The following TDRD1 variants were observed in gnomAD, a reference collection of about 807,000 sequenced individuals.
TDRD1 encodes the protein tudor domain containing 1.
In TDRD1, 37 loss-of-function variants were observed where a neutral mutation model predicts 140.6. That is an observed-to-expected ratio of 0.26 (90% CI 0.20 to 0.35). The LOEUF (loss-of-function observed/expected upper bound fraction) is 0.35. TDRD1 is among the 10% of genes least tolerant of loss of function. The probability of loss-of-function intolerance (pLI) is 1.00; values close to 1 mark genes in which losing one functional copy is unlikely to be tolerated. For synonymous variants in TDRD1, 506 were observed against 475.7 expected, an observed-to-expected ratio of 1.06 and a Z score of -0.83; for missense variants, 1,243 against 1,393.0, an observed-to-expected ratio of 0.89 and a Z score of 1.71.
intron 14 of TDRD1, among the ~76,000 whole-genome samples, chr10:114,212,649 GATTGCTGATTTGTA>G (rs1724757461): frequency 6.6e-6 from 1 of 152,188 alleles, no homozygotes; most frequent in South Asian, 2.1e-4. Context: ...ATAACTGTTG[GATTGCTGATTTGTA>G]AGTGCCCTTT....
intron 3 of TDRD1, among the ~76,000 whole-genome samples, chr10:114,194,127 G>C (rs1413320684): frequency 6.6e-6 from 1 of 152,086 alleles, no homozygotes; most frequent in Non-Finnish European, 1.5e-5. Context: ...TTTTACATAA[G>C]TTTTCAAGAG....
At chr10:114,191,691 A>G (rs1347659392) in intron 3 of TDRD1, among the ~76,000 whole-genome samples, 1 of 152,240 alleles carries the variant, frequency 6.6e-6, no homozygotes, top group Non-Finnish European at 1.5e-5. Context: ...ATTTATGTAC[A>G]GAATTTTATA....
intron 25 of TDRD1, among the ~76,000 whole-genome samples, chr10:114,230,479 C>T (rs2036695079): frequency 6.6e-6 from 1 of 152,186 alleles, no homozygotes; most frequent in South Asian, 2.1e-4. Context: ...AAGTAGGACC[C>T]ATTTTACAGT....
chr10:114,203,038 A>T, intron 6 of TDRD1, 34 bp from the exon 7 acceptor site: 1 of 1,425,622 alleles, frequency 7.0e-7, no homozygotes, highest in Non-Finnish European at 9.9e-7. Context: ...ATGTGCTTTT[A>T]AGTAACTCAC....
At chr10:114,227,991 C>G in intron 24 of TDRD1, 35 bp downstream of exon 24, 1 of 1,611,688 alleles carries the variant, frequency 6.2e-7, no homozygotes, top group Non-Finnish European at 8.5e-7. Flanking sequence ...AATTATACTC[C>G]TAACGTTTTT....
intron 20 of TDRD1, 87 bp downstream of exon 20, chr10:114,221,563 A>AGG (rs1418512935): frequency 7.7e-7 from 1 of 1,293,978 alleles, no homozygotes; most frequent in Non-Finnish European, 1.1e-6. Context: ...TTGGGAATGA[A>AGG]GGGGAGAAAG....
rs959218148 is a variant in TDRD1, at chr10:114,201,396, G to C, written c.530-14G>C. 3.1e-6 allele frequency: 5 copies of C among 1,605,846 alleles called. No homozygotes were observed. In the East Asian group the frequency reaches 8.9e-5, roughly 29 times the overall value. ...GATCTTCATCTGAACTATTTTGTGG[G>C]TGGTGTTTTCTAGGATCGCTGAGGT... On this transcript the variant is annotated splice_polypyrimidine_tract_variant and intron_variant, in intron 4 of 25. Transcript: ENST00000251864.
chr10:114,192,229 CTGTT>C (rs1286709390), intron 3 of TDRD1, among the ~76,000 whole-genome samples: 2 of 141,476 alleles, frequency 1.4e-5, no homozygotes, highest in Non-Finnish European at 1.5e-5. Flanking sequence ...AACTTTAAAA[CTGTT>C]TGATACTCTG....
At chr10:114,198,093 C>T (rs976137964) in intron 3 of TDRD1, among the ~76,000 whole-genome samples, 3 of 152,140 alleles carry the variant, frequency 2.0e-5, no homozygotes, top group African/African-American at 7.2e-5. Context: ...GGGGCTCTTT[C>T]TGTTGGGTGA....
chr10:114,218,574 C>T (rs1439091080), exon 18 of TDRD1: 2 of 1,601,714 alleles, frequency 1.2e-6, no homozygotes, highest in African/African-American at 2.7e-5. Context: ...GAATACGGTG[C>T]CAGTTAGCAG....
chr10:114,229,145 C>T (rs2036610818), intron 25 of TDRD1, among the ~76,000 whole-genome samples: 1 of 152,046 alleles, frequency 6.6e-6, no homozygotes, highest in Admixed American at 6.6e-5. Context: ...GTTGTCTCTC[C>T]TCACCACTTT....
In TDRD1 at chr10:114,188,103, G is replaced by T. The variant is rs114684103; in HGVS notation, c.272G>T (p.Gly91Val). Residue 91 changes from glycine to valine, a missense_variant, in exon 2 of 26, where the codon GGC (glycine) becomes GTC (valine). Gly to Val is a moderately radical substitution (Grantham distance 109). Coordinates refer to ENST00000251864, the Ensembl canonical transcript of TDRD1. ...AATTCAGTTTCTTCAAACCCGAATG[G>T]CATCAACGGAGAAGTAGTTGGCTCC... 696 of 1,610,354 alleles carry T rather than the reference G, an allele frequency of 4.3e-4. 4 individuals are homozygous for T. The African/African-American group carries it at 7.9e-3, about 18-fold the overall frequency.
intron 13 of TDRD1, 115 bp from the exon 14 acceptor site, chr10:114,211,751 T>C: frequency 9.5e-7 from 1 of 1,050,226 alleles, no homozygotes; most frequent in Non-Finnish European, 1.3e-6. Context: ...TTCTATAAGC[T>C]TGATATCTAT....
At chr10:114,223,397 C>T (rs1253887529) in intron 21 of TDRD1, among the ~76,000 whole-genome samples, 1 of 152,226 alleles carries the variant, frequency 6.6e-6, no homozygotes, top group Admixed American at 6.5e-5. Context: ...GGGGCACAGG[C>T]CTGCCTTCTC....
chr10:114,189,233 G>A (rs2033783075), intron 2 of TDRD1, among the ~76,000 whole-genome samples: 1 of 152,164 alleles, frequency 6.6e-6, no homozygotes, highest in Admixed American at 6.5e-5. Flanking sequence ...TGATCATTGT[G>A]TGCAGTATTT....
intron 3 of TDRD1, among the ~76,000 whole-genome samples, chr10:114,195,919 GGTT>G (rs368631524): frequency 9.2e-5 from 14 of 152,116 alleles, no homozygotes; most frequent in South Asian, 4.2e-4. Context: ...CTTTTCCAGT[GGTT>G]GTTCTACATA....
intron 9 of TDRD1, 134 bp downstream of exon 9, chr10:114,204,350 G>A: frequency 2.0e-6 from 2 of 989,736 alleles, no homozygotes; most frequent in Non-Finnish European, 2.8e-6. Context: ...AACACTCATG[G>A]GCTATCTTGA....
intron 11 of TDRD1, 28 bp downstream of exon 11, chr10:114,206,358 T>G: frequency 9.0e-4 from 1,416 of 1,570,376 alleles, no homozygotes; most frequent in Non-Finnish European, 1.1e-3. Context: ...TTGAACGGTA[T>G]AGCGACTTCA....
chr10:114,204,624 A>T, intron 9 of TDRD1, 98 bp from the exon 10 acceptor site: 3 of 1,235,078 alleles, frequency 2.4e-6, no homozygotes, highest in Non-Finnish European at 3.3e-6. Context: ...ATTTGTGATA[A>T]GTTTTCAGCA....
Sources: gnomAD v4.1 joint callset for allele counts (sites outside exome capture counted in the v4.1 genomes callset) on GRCh38, gnomAD v4.1.1 for gene constraint, MANE v1.5 for transcripts, NCBI Gene and HGNC (gene_info 2026-07-23, HGNC 2026-07-21) for gene names.